Variants in TRAPPC8 observed in about 807,000 individuals in gnomAD.
TRAPPC8 encodes the protein general sporulation gene 1 homolog.
Under a neutral mutation model 174.3 loss-of-function variants are expected in TRAPPC8, and 54 were observed. That is an observed-to-expected ratio of 0.31 (90% CI 0.25 to 0.39). The LOEUF (loss-of-function observed/expected upper bound fraction) is 0.39, where lower values mean the gene tolerates loss of function less well. TRAPPC8 is among the 10% of genes least tolerant of loss of function. The pLI, the probability that TRAPPC8 is intolerant of heterozygous loss-of-function variation, is 1.00. For synonymous variants in TRAPPC8, 630 were observed against 579.9 expected (o/e 1.09, Z -1.24); for missense variants, 1,531 against 1,699.1 (o/e 0.90, Z 1.74).
intron 19 of TRAPPC8, among the ~76,000 whole-genome samples, chr18:31,862,958 A>C (rs1279783533): frequency 6.6e-6 from 1 of 151,268 alleles, no homozygotes; most frequent in East Asian, 2.0e-4. Flanking sequence ...AGAATGAGGC[A>C]GGAGAATTGC....
At chr18:31,845,392 T>C (rs1170399598) in intron 26 of TRAPPC8, among the ~76,000 whole-genome samples, 1 of 151,558 alleles carries the variant, frequency 6.6e-6, no homozygotes, top group African/African-American at 2.4e-5. Flanking sequence ...AAACCTTTGA[T>C]AGCATTTGAA....
intron 1 of TRAPPC8, among the ~76,000 whole-genome samples, chr18:31,933,946 G>C (rs543541535): frequency 1.3e-5 from 2 of 152,198 alleles, no homozygotes; most frequent in South Asian, 4.2e-4. Context: ...CAGCACTTTT[G>C]GGAGGCTGAA....
intron 11 of TRAPPC8, among the ~76,000 whole-genome samples, chr18:31,896,876 G>A (rs944327984): frequency 1.3e-5 from 2 of 152,080 alleles, no homozygotes; most frequent in Non-Finnish European, 2.9e-5. Flanking sequence ...TGCCCGCCTC[G>A]GCCTCCCAGA....
chr18:31,929,651 G>C (rs1267294348), intron 2 of TRAPPC8, among the ~76,000 whole-genome samples: 5 of 152,178 alleles, frequency 3.3e-5, no homozygotes, highest in Non-Finnish European at 1.5e-5. Context: ...GGTTGACAGA[G>C]TGAGACCCTG....
At position 31,853,498 on chromosome 18, in the gene TRAPPC8, C is replaced by T. The variant is rs535076606; in HGVS notation, c.3433+351G>A. ...GGCCAGGCTGGTTTCAAACTGCTGA[C>T]CTCAAGTGATCCGCCCATCTCAGCC... On this transcript the variant is annotated intron_variant, in intron 22 of 28. Transcript: ENST00000283351. Among the ~76,000 whole-genome samples, 163 of 152,198 alleles carry T rather than the reference C, an allele frequency of 1.1e-3. 1 individual carries two copies. Among genetic ancestry groups the T allele is most frequent in the African/African-American group, 3.2e-3 (134 of 41,510 alleles).
chr18:31,862,458 T>C (rs2034377915), intron 19 of TRAPPC8, among the ~76,000 whole-genome samples: 2 of 152,114 alleles, frequency 1.3e-5, no homozygotes, highest in South Asian at 2.1e-4. Flanking sequence ...TTTCAGAATA[T>C]TAATATAATA....
chr18:31,940,471 A>G lies in TRAPPC8; in HGVS notation c.157+2137T>C, dbSNP rs1461194146. 2.6e-5 allele frequency among the ~76,000 whole-genome samples: 4 copies of G among 152,268 alleles called. No individual in the cohort carries two copies. In the East Asian group the frequency reaches 5.8e-4, roughly 22 times the overall value. ...ACAGGGCAAGACTCCATCTCCAAAA[A>G]ACAAAAAACAAAAAAACTAATTTCA... On this transcript the variant is annotated intron_variant, in intron 1 of 28. Transcript: ENST00000283351.
At position 31,837,005 on chromosome 18, in the gene TRAPPC8, G is replaced by A. The variant is rs548858298; in HGVS notation, c.3983+2307C>T. 5.9e-5 allele frequency among the ~76,000 whole-genome samples: 9 copies of A among 151,924 alleles called. No homozygotes were observed. The South Asian group carries it at 6.3e-4, about 11-fold the overall frequency. ...TCTTGATCTCCTGACCTCGTGATCC[G>A]CCCGCCTTGGCCTCCCAAAGTGCTG... is the stretch of plus-strand genomic sequence containing the variant. On this transcript the variant is annotated intron_variant, in intron 27 of 28. Transcript: ENST00000283351.
chr18:31,917,452 G>A, intron 3 of TRAPPC8, 126 bp downstream of exon 3: 1 of 801,350 alleles, frequency 1.2e-6, no homozygotes, highest in Middle Eastern at 2.8e-4. Context: ...TCCGTGTATT[G>A]TCAATCTATA....
At chr18:31,919,347 A>G (rs1003672476) in intron 2 of TRAPPC8, among the ~76,000 whole-genome samples, 4 of 152,006 alleles carry the variant, frequency 2.6e-5, no homozygotes, top group African/African-American at 9.7e-5. Context: ...AGCCTAGCCA[A>G]CATGGTGAAA....
chr18:31,920,715 G>A (rs1333226757), intron 2 of TRAPPC8, among the ~76,000 whole-genome samples: 4 of 151,918 alleles, frequency 2.6e-5, no homozygotes, highest in African/African-American at 7.3e-5. Context: ...CGAGGCAGGC[G>A]GATCACCTGA....
At position 31,931,608 on chromosome 18, in the gene TRAPPC8, A is replaced by C. The variant is rs1023285195; in HGVS notation, c.158-85T>G. The C allele has an allele frequency of 4.7e-6, 5 of 1,069,196 alleles. No individual in the cohort carries two copies. The South Asian group carries it at 1.0e-4, about 22-fold the overall frequency. The allele number at this position is 1,069,196 out of a possible 1,614,324, so 66.2% of individuals were successfully genotyped here. A position where few individuals can be genotyped will look rare whatever the true frequency, so the allele number is the denominator to read the frequency against. ...AATTGGGCTGATGGTTTACAAACAAAAAGGATGTACAAAGCAGAAGCCAGC... is the reference window on the plus strand; with the variant it reads ...AATTGGGCTGATGGTTTACAAACAACAAGGATGTACAAAGCAGAAGCCAGC... On this transcript the variant is annotated intron_variant, in intron 1 of 28. Transcript: ENST00000283351.
chr18:31,849,400 T>G (rs2145038296), intron 25 of TRAPPC8, among the ~76,000 whole-genome samples, 166 bp downstream of exon 25: 1 of 152,238 alleles, frequency 6.6e-6, no homozygotes, highest in Middle Eastern at 3.4e-3. Context: ...CTAATTTGAA[T>G]GAATTCTTTT....
intron 10 of TRAPPC8, among the ~76,000 whole-genome samples, chr18:31,898,606 G>A (rs1014849463): frequency 1.3e-5 from 2 of 152,150 alleles, no homozygotes; most frequent in African/African-American, 4.8e-5. Context: ...AAATATTTAG[G>A]TATTTTCCCC....
In TRAPPC8 at chr18:31,872,028, G is replaced by A. The variant is rs138534559; in HGVS notation, c.2063-908C>T. Among the ~76,000 whole-genome samples, 249 of 152,034 alleles carry A rather than the reference G, an allele frequency of 1.6e-3. 1 individual carries two copies. Among genetic ancestry groups the A allele is most frequent in the Non-Finnish European group, 3.1e-3 (214 of 67,972 alleles). On this transcript the variant is annotated intron_variant, in intron 14 of 28. Transcript: ENST00000283351. ...GGTACAAGTTATGTTTTGTTATACA[G>A]ACATATTTTCTTGGTGGCAAAGTCT... is the stretch of plus-strand genomic sequence containing the variant.
At chr18:31,908,617 G>A (rs1217655885) in intron 7 of TRAPPC8, 137 bp downstream of exon 7, 4 of 996,208 alleles carry the variant, frequency 4.0e-6, no homozygotes, top group Non-Finnish European at 5.6e-6. Context: ...TTTCATCATT[G>A]ATAGTAATTT....
At chr18:31,916,108 A>T (rs1165398659) in intron 4 of TRAPPC8, among the ~76,000 whole-genome samples, 164 bp downstream of exon 4, 3 of 152,010 alleles carry the variant, frequency 2.0e-5, no homozygotes, top group Non-Finnish European at 4.4e-5. Flanking sequence ...ACTGTTGAAT[A>T]TAATGCCAGG....
chr18:31,860,850 A>T lies in TRAPPC8; in HGVS notation c.2746-2868T>A, dbSNP rs139238168. Among the ~76,000 whole-genome samples, 377 of 152,320 alleles carry T rather than the reference A, an allele frequency of 2.5e-3. 1 individual carries two copies. Among genetic ancestry groups the T allele is most frequent in the African/African-American group, 8.8e-3 (364 of 41,578 alleles). On this transcript the variant is annotated intron_variant, in intron 19 of 28. Coordinates refer to ENST00000283351, the MANE Select transcript of TRAPPC8 (RefSeq NM_014939.5). ...ATGCCCATCATATTCTCCTTTCAAG[A>T]GTCACTATCTATTCCCAAACTTGTT... is the stretch of plus-strand genomic sequence containing the variant.
chr18:31,917,458 C>T lies in TRAPPC8; in HGVS notation c.442+120G>A. ...TAACAAGACTCCGTGTATTGTCAATCTATAAAAAATAATTTATCTATTCTC... is the reference window on the plus strand; with the variant it reads ...TAACAAGACTCCGTGTATTGTCAATTTATAAAAAATAATTTATCTATTCTC... On this transcript the variant is annotated intron_variant, in intron 3 of 28. Transcript: ENST00000283351. 11 of 840,558 alleles carry T rather than the reference C, an allele frequency of 1.3e-5. No homozygotes were observed. In the South Asian group the frequency reaches 2.1e-4, roughly 16 times the overall value. The allele number at this position is 840,558 out of a possible 1,614,324, so 52.1% of individuals were successfully genotyped here.
Sources: gnomAD v4.1 joint callset for allele counts (sites outside exome capture counted in the v4.1 genomes callset) on GRCh38, gnomAD v4.1.1 for gene constraint, MANE v1.5 for transcripts, NCBI Gene and HGNC (gene_info 2026-07-23, HGNC 2026-07-21) for gene names.